Variants in PCLO observed in about 807,000 individuals in gnomAD.
PCLO encodes protein piccolo.
PCLO carries 82 observed loss-of-function variants against 427.5 expected under a neutral mutation model. The observed-to-expected ratio is 0.19, with a 90% CI of 0.16 to 0.23. PCLO has a LOEUF of 0.23. Among genes scored for constraint, PCLO ranks in the 10% least tolerant of loss-of-function variants. The pLI is 1.00. For missense variants in PCLO, 6,239 were observed against 6,115.9 expected, an observed-to-expected ratio of 1.02 and a Z score of -0.67; for synonymous variants, 2,357 against 2,155.4, an observed-to-expected ratio of 1.09 and a Z score of -2.59.
intron 3 of PCLO, among the ~76,000 whole-genome samples, chr7:83,075,995 T>A (rs1789940726): frequency 6.6e-6 from 1 of 152,012 alleles, no homozygotes; most frequent in Admixed American, 6.6e-5. Flanking sequence ...TAATAAACCA[T>A]AATTTTACTA....
chr7:83,017,003 CT>C (rs1316387245), intron 3 of PCLO, among the ~76,000 whole-genome samples: 4 of 151,880 alleles, frequency 2.6e-5, no homozygotes, highest in Admixed American at 2.6e-4. Context: ...GCTCTTTTTT[CT>C]TTGTGAATAA....
chr7:83,141,103 A>G (rs1373857324), intron 2 of PCLO, among the ~76,000 whole-genome samples: 3 of 152,188 alleles, frequency 2.0e-5, no homozygotes, highest in Non-Finnish European at 4.4e-5. Context: ...TTCCTAAAGA[A>G]CTTCCCAAAT....
At chr7:82,794,459 C>CATTTTTTTTTTTTTTTTTTTTTTTT (rs1791178389) in intron 22 of PCLO, among the ~76,000 whole-genome samples, 1 of 56,350 alleles carries the variant, frequency 1.8e-5, no homozygotes, top group Non-Finnish European at 4.1e-5. Context: ...AATTTTTTTT[C>CATTTTTTTTTTTTTTTTTTTTTTTT]TTTTTTTTTT....
At chr7:83,024,861 G>A (rs1381038726) in intron 3 of PCLO, among the ~76,000 whole-genome samples, 3 of 151,960 alleles carry the variant, frequency 2.0e-5, no homozygotes, top group African/African-American at 4.8e-5. Context: ...CACCTCACAC[G>A]GCAGGGTACT....
intron 3 of PCLO, among the ~76,000 whole-genome samples, chr7:82,968,256 A>G (rs1795823841): frequency 6.6e-6 from 1 of 152,174 alleles, no homozygotes. Flanking sequence ...ACTCAATATC[A>G]ATTCTCTTGT....
In PCLO at chr7:82,755,381, T is replaced by TA. The variant is rs1790296812; in HGVS notation, c.*3193dup. ...CACCAAAAATCTTCTTAATCTTAAG[T>TA]AAAAACAGAGAAAACACCAACTTCG... On this transcript the variant is annotated 3_prime_UTR_variant, in exon 25 of 25. Coordinates refer to ENST00000333891, the MANE Select transcript of PCLO (RefSeq NM_033026.6). The TA allele has an allele frequency of 6.6e-6, 1 of 152,110 alleles. No individual in the cohort carries two copies. The highest frequency in any genetic ancestry group is 2.4e-5 in the African/African-American group (1 of 41,438). 9.4% of individuals were successfully genotyped at this position (152,110 alleles called of 1,614,324 possible). A position where few individuals can be genotyped will look rare whatever the true frequency, so the allele number is the denominator to read the frequency against.
chr7:82,784,197 C>G (rs1314453361), intron 22 of PCLO, among the ~76,000 whole-genome samples: 5 of 152,076 alleles, frequency 3.3e-5, no homozygotes, highest in African/African-American at 1.2e-4. Flanking sequence ...CAATACTGTC[C>G]CACACCATGT....
chr7:82,965,788 G>A lies in PCLO; in HGVS notation c.4000C>T (p.Pro1334Ser), dbSNP rs1795751673. Residue 1334 changes from proline (P) to serine (S), a missense_variant, in exon 4 of 25, where the codon CCT (proline) becomes TCT (serine). This residue lies in a region of PCLO where 4,677 missense variants were observed against 4,468.4 expected (regional missense o/e 1.05). Transcript: ENST00000333891. ...TAACTTACTGTTTTTTCTTTCCCAG[G>A]TTCCACCTGATCAGGTTTTGCTGTG... is the stretch of plus-strand genomic sequence containing the variant. ...PCTAKPDQVE[P>S]GKEKTEKEDD... The A allele has an allele frequency of 6.2e-7, 1 of 1,600,210 alleles. No homozygotes were observed. Among genetic ancestry groups the A allele is most frequent in the Non-Finnish European group, 8.5e-7 (1 of 1,175,140 alleles).
chr7:82,843,824 C>A (rs1267141682), intron 13 of PCLO, among the ~76,000 whole-genome samples: 3 of 151,928 alleles, frequency 2.0e-5, no homozygotes, highest in Non-Finnish European at 4.4e-5. Context: ...GCCACCAGAC[C>A]TGGCTAATTT....
chr7:82,853,269 T>A (rs1197955398), intron 10 of PCLO, among the ~76,000 whole-genome samples: 2 of 152,136 alleles, frequency 1.3e-5, no homozygotes, highest in Non-Finnish European at 2.9e-5. Flanking sequence ...TATATAAAAA[T>A]GGGCCTACTT....
chr7:82,916,631 T>G lies in PCLO; in HGVS notation c.11355A>C (p.Ala3785=). The change falls in exon 7 of 25, where the codon GCA becomes GCC. Residue 3785 remains alanine, a synonymous_variant. Coordinates refer to ENST00000333891, the MANE Select transcript of PCLO (RefSeq NM_033026.6). ...RESAKLRKKQ[A]ELDEEEKEID... is the part of the protein sequence containing the mutation. ...TCTCCTTTTCTTCTTCATCAAGCTC[T>G]GCTTGTTTCTTTCGAAGTTTTGCAG... The G allele has an allele frequency of 6.2e-7, 1 of 1,613,678 alleles. No individual in the cohort carries two copies. The highest frequency in any genetic ancestry group is 8.5e-7 in the Non-Finnish European group (1 of 1,179,734).
intron 22 of PCLO, among the ~76,000 whole-genome samples, chr7:82,764,781 A>T (rs1438872131): frequency 6.6e-6 from 1 of 151,664 alleles, no homozygotes; most frequent in Non-Finnish European, 1.5e-5. Flanking sequence ...CACTTATGTA[A>T]AGTTGAAACT....
intron 3 of PCLO, among the ~76,000 whole-genome samples, chr7:82,992,483 A>C (rs1349054220): frequency 6.6e-6 from 1 of 152,178 alleles, no homozygotes; most frequent in Non-Finnish European, 1.5e-5. Context: ...CATACTAGAC[A>C]GACAAGCCTG....
intron 3 of PCLO, among the ~76,000 whole-genome samples, chr7:82,986,087 T>C (rs985197733): frequency 6.6e-6 from 1 of 151,946 alleles, no homozygotes; most frequent in Admixed American, 6.6e-5. Context: ...AAATTTTTCT[T>C]ATAGTTACTT....
Position 83,096,939 on chromosome 7 carries a change from TTA to T in PCLO, c.3300+37309_3300+37310del, listed in dbSNP as rs1219812239. On this transcript the variant is annotated intron_variant, in intron 3 of 24. Coordinates refer to ENST00000333891, the MANE Select transcript of PCLO (RefSeq NM_033026.6). ...AATATATATAATATAATATAATATA[TTA>T]TATATTATATAAATAATATAATATA... is the stretch of plus-strand genomic sequence containing the variant. Among the ~76,000 whole-genome samples, 108 of 58,204 alleles carry T rather than the reference TTA, an allele frequency of 1.9e-3. 11 individuals carry two copies. Among genetic ancestry groups the T allele is most frequent in the Non-Finnish European group, 2.7e-3 (96 of 35,292 alleles). The allele number at this position is 58,204 out of a possible 152,430, so 38.2% of individuals were successfully genotyped here. A position where few individuals can be genotyped will look rare whatever the true frequency, so the allele number is the denominator to read the frequency against.
intron 3 of PCLO, among the ~76,000 whole-genome samples, chr7:82,968,346 A>T (rs1351072876): frequency 6.6e-6 from 1 of 152,174 alleles, no homozygotes; most frequent in South Asian, 2.1e-4. Flanking sequence ...CATTGGAAAG[A>T]AGATTTGATT....
chr7:83,138,877 A>G (rs1479372192), intron 2 of PCLO, among the ~76,000 whole-genome samples: 1 of 152,062 alleles, frequency 6.6e-6, no homozygotes, highest in South Asian at 2.1e-4. Context: ...CCTAATGTCG[A>G]TAACAGGTTA....
Position 82,849,978 on chromosome 7 carries a change from A to T in PCLO, c.13655-2731T>A, listed in dbSNP as rs191156401. Among the ~76,000 whole-genome samples the T allele has an allele frequency of 1.7e-3, 264 of 151,242 alleles. 2 individuals are homozygous for T. The highest frequency in any genetic ancestry group is 6.8e-3 in the Middle Eastern group (2 of 292). The stretch of plus-strand genomic sequence containing the variant: ...ACACAGATGAGACTTAAATTCCTTG[A>T]AAGTACCTATTTAAATAGCTTATTA... On this transcript the variant is annotated intron_variant, in intron 10 of 24. Coordinates refer to ENST00000333891, the MANE Select transcript of PCLO (RefSeq NM_033026.6).
At chr7:82,891,928 C>A (rs956733666) in intron 9 of PCLO, among the ~76,000 whole-genome samples, 6 of 152,010 alleles carry the variant, frequency 3.9e-5, no homozygotes, top group African/African-American at 1.4e-4. Context: ...AGGATACAAA[C>A]AAATGGAAGA....
Sources: gnomAD v4.1 joint callset for allele counts (sites outside exome capture counted in the v4.1 genomes callset) on GRCh38, gnomAD v4.1.1 for gene constraint, gnomAD v4.1.1 regional missense constraint, MANE v1.5 for transcripts, NCBI Gene and HGNC (gene_info 2026-07-23, HGNC 2026-07-21) for gene names.